The following PARVA variants were observed in gnomAD, a reference collection of about 807,000 sequenced individuals.
PARVA encodes alpha-parvin.
In PARVA, 25 loss-of-function variants were observed where a neutral mutation model predicts 52.6. The ratio of observed to expected loss-of-function variants is 0.48; its 90% CI spans 0.35 to 0.66. The LOEUF (loss-of-function observed/expected upper bound fraction) is 0.66. Ranked by LOEUF, PARVA falls within the 30% of genes least tolerant of loss-of-function variation. PARVA has a pLI of 0.01. For synonymous variants in PARVA, 185 were observed against 179.1 expected, an observed-to-expected ratio of 1.03 and a Z score of -0.26; for missense variants, 373 against 450.9, an observed-to-expected ratio of 0.83 and a Z score of 1.56.
At position 12,514,079 on chromosome 11, in the gene PARVA, C is replaced by A; in HGVS notation, c.867+14C>A. On this transcript the variant is annotated intron_variant, in intron 10 of 12. Transcript: ENST00000334956. ...CTGGAAACCCAGGTGGGTGACAGAC[C>A]CCAGCACAGGTAGAGGCAGGGCCCT... 6 of 1,607,100 alleles carry A rather than the reference C, an allele frequency of 3.7e-6. No homozygotes were observed. Among genetic ancestry groups the A allele is most frequent in the Non-Finnish European group, 5.1e-6 (6 of 1,173,752 alleles).
chr11:12,508,587 C>T lies in PARVA; in HGVS notation c.661C>T (p.Arg221Ter), dbSNP rs1464842307. The change falls in exon 7 of 13, where the codon CGA (arginine) becomes TGA (stop). Residue 221 changes from arginine (R) to a stop codon, truncating the protein, a stop_gained. Coordinates refer to ENST00000334956, the MANE Select transcript of PARVA (RefSeq NM_018222.5). LOFTEE classifies it high-confidence loss of function. ...CCTTTCCCCACCCCCATTTCAGAAA[C>T]GAGAAGGAATCCTCCAGTCTCGGCA... The part of the protein sequence containing the change: ...VSIQVVVVQK[R>*]EGILQSRQIQ... 2 of 1,606,460 alleles carry T rather than the reference C, an allele frequency of 1.2e-6. No individual in the cohort carries two copies. The highest frequency in any genetic ancestry group is 2.3e-5 in the East Asian group (1 of 44,392).
At chr11:12,402,992 A>G (rs952902375) in intron 1 of PARVA, among the ~76,000 whole-genome samples, 26 of 152,184 alleles carry the variant, frequency 1.7e-4, no homozygotes, top group Admixed American at 2.0e-4. Context: ...TTCCCTCTCT[A>G]TAGCCTGTGG....
At chr11:12,454,383 T>C (rs1940665909) in intron 1 of PARVA, among the ~76,000 whole-genome samples, 1 of 152,226 alleles carries the variant, frequency 6.6e-6, no homozygotes. Context: ...ACTTTCATTA[T>C]GGATTTTGAC....
chr11:12,377,971 G>C (rs1939427303), intron 1 of PARVA, among the ~76,000 whole-genome samples, 188 bp downstream of exon 1: 1 of 148,260 alleles, frequency 6.7e-6, no homozygotes, highest in African/African-American at 2.4e-5. Context: ...ACTGAGCCCG[G>C]GGCTCGCGGG....
intron 1 of PARVA, among the ~76,000 whole-genome samples, chr11:12,436,135 G>A (rs1940384297): frequency 6.6e-6 from 1 of 152,016 alleles, no homozygotes; most frequent in Admixed American, 6.6e-5. Flanking sequence ...GTTTTTATTT[G>A]TAAAATAGAT....
chr11:12,472,800 T>A (rs1040206274), intron 1 of PARVA, among the ~76,000 whole-genome samples: 2 of 152,174 alleles, frequency 1.3e-5, no homozygotes, highest in African/African-American at 4.8e-5. Context: ...AAAATGGCCT[T>A]TCTGTGCTTA....
chr11:12,399,745 A>G (rs1939799777), intron 1 of PARVA, among the ~76,000 whole-genome samples: 3 of 152,200 alleles, frequency 2.0e-5, no homozygotes, highest in Non-Finnish European at 2.9e-5. Flanking sequence ...ACAATGTTAC[A>G]GTAAATAATT....
intron 1 of PARVA, among the ~76,000 whole-genome samples, chr11:12,402,316 C>T (rs1939839654): frequency 6.6e-6 from 1 of 152,116 alleles, no homozygotes; most frequent in South Asian, 2.1e-4. Context: ...CAATGTGTGG[C>T]CCAGCAGGGA....
chr11:12,514,216 T>C (rs1415561737), intron 10 of PARVA, among the ~76,000 whole-genome samples, 151 bp downstream of exon 10: 1 of 152,338 alleles, frequency 6.6e-6, no homozygotes, highest in East Asian at 1.9e-4. Context: ...GGACTGAGTC[T>C]CTGTGGATTT....
chr11:12,382,381 CT>C (rs546439424), intron 1 of PARVA, among the ~76,000 whole-genome samples: 10,163 of 128,122 alleles, frequency 0.079, 808 homozygotes, highest in African/African-American at 0.22. Context: ...GTAACTTTTT[CT>C]TTTTTTTTTT....
At chr11:12,453,647 G>A (rs1460056364) in intron 1 of PARVA, among the ~76,000 whole-genome samples, 1 of 152,124 alleles carries the variant, frequency 6.6e-6, no homozygotes, top group African/African-American at 2.4e-5. Context: ...TAAGTTTTTG[G>A]CAAGATTTTC....
intron 1 of PARVA, among the ~76,000 whole-genome samples, chr11:12,413,644 A>G (rs1182312559): frequency 6.6e-6 from 1 of 152,208 alleles, no homozygotes; most frequent in East Asian, 1.9e-4. Context: ...GCTGCACATG[A>G]TCTTACGTGC....
chr11:12,493,233 G>A (rs1219941705), intron 4 of PARVA, among the ~76,000 whole-genome samples: 1 of 151,828 alleles, frequency 6.6e-6, no homozygotes, highest in Non-Finnish European at 1.5e-5. Flanking sequence ...GTGCATGCCT[G>A]TAATCCCAGC....
chr11:12,473,684 G>C, intron 1 of PARVA, 61 bp from the exon 2 acceptor site: 2 of 1,261,914 alleles, frequency 1.6e-6, no homozygotes, highest in Non-Finnish European at 1.1e-6. Context: ...CCTTGTTACA[G>C]AGCTCCAACC....
chr11:12,439,769 C>G (rs1259992042), intron 1 of PARVA, among the ~76,000 whole-genome samples: 2 of 152,218 alleles, frequency 1.3e-5, no homozygotes, highest in Non-Finnish European at 2.9e-5. Flanking sequence ...TTGTTCCCTA[C>G]AGGAGCAAAG....
chr11:12,421,366 C>G (rs1564842994), intron 1 of PARVA, among the ~76,000 whole-genome samples: 1 of 152,128 alleles, frequency 6.6e-6, no homozygotes, highest in East Asian at 1.9e-4. Flanking sequence ...GATGGACTTT[C>G]CTAGAGAGAG....
At chr11:12,515,352 GTGTGTCTAGAC>G in intron 10 of PARVA, among the ~76,000 whole-genome samples, 1 of 152,270 alleles carries the variant, frequency 6.6e-6, no homozygotes, top group East Asian at 1.9e-4. Flanking sequence ...CTCCACCTGA[GTGTGTCTAGAC>G]TGTGTGAAAT....
At chr11:12,489,857 C>A (rs569751740) in intron 4 of PARVA, among the ~76,000 whole-genome samples, 1 of 152,104 alleles carries the variant, frequency 6.6e-6, no homozygotes, top group African/African-American at 2.4e-5. Flanking sequence ...AAAGTGCTGA[C>A]AAAAATGATC....
At chr11:12,434,148 C>T (rs1453021710) in intron 1 of PARVA, among the ~76,000 whole-genome samples, 5 of 152,174 alleles carry the variant, frequency 3.3e-5, no homozygotes, top group Non-Finnish European at 7.3e-5. Flanking sequence ...TTCTGATTTT[C>T]CAAGTGCCCT....
Sources: gnomAD v4.1 joint callset for allele counts (sites outside exome capture counted in the v4.1 genomes callset) on GRCh38, gnomAD v4.1.1 for gene constraint, MANE v1.5 for transcripts, NCBI Gene and HGNC (gene_info 2026-07-23, HGNC 2026-07-21) for gene names.